Variants in IRAK1BP1 observed in about 807,000 individuals in gnomAD.
The protein encoded by IRAK1BP1 is interleukin 1 receptor associated kinase 1 binding protein 1, also known as interleukin-1 receptor-associated kinase 1-binding protein 1.
A neutral mutation model predicts 28.0 loss-of-function variants in IRAK1BP1; 24 were observed. The observed-to-expected ratio is 0.86, with a 90% CI of 0.62 to 1.20. IRAK1BP1 has a LOEUF of 1.20. Ranked by LOEUF, IRAK1BP1 falls within the 50% of genes most tolerant of loss-of-function variation. The pLI is 0.00. For missense variants in IRAK1BP1, 336 were observed against 316.7 expected (o/e 1.06, Z -0.46); for synonymous variants, 131 against 116.3 (o/e 1.13, Z -0.81).
chr6:78,950,202 C>T (rs1327317042), downstream of IRAK1BP1, among the ~76,000 whole-genome samples: 1 of 152,200 alleles, frequency 6.6e-6, no homozygotes. Flanking sequence ...TTTTTGAATA[C>T]TGAACCATCC....
chr6:78,933,763 AG>A lies in IRAK1BP1; in HGVS notation c.*68-11642del, dbSNP rs567291089. ...CTTCTCTGGATTAGGTTTTGGCTTC[AG>A]GGAATATTGTGGCTGATTTGATCTT... is the stretch of plus-strand genomic sequence containing the variant. On this transcript the variant is annotated intron_variant and NMD_transcript_variant, in intron 4 of 4. Coordinates refer to the IRAK1BP1 transcript ENST00000606868. 2.3e-3 allele frequency among the ~76,000 whole-genome samples: 339 copies of A among 148,686 alleles called. 2 individuals carry two copies. The highest frequency in any genetic ancestry group is 0.021 in the Middle Eastern group (6 of 286).
chr6:78,872,382 G>A (rs1331676298), intron 1 of IRAK1BP1, among the ~76,000 whole-genome samples: 1 of 152,102 alleles, frequency 6.6e-6, no homozygotes, highest in Non-Finnish European at 1.5e-5. Context: ...TTGAACATAG[G>A]CATTGGCTAA....
chr6:78,871,258 T>C (rs571688371), intron 1 of IRAK1BP1: 1 of 985,180 alleles, frequency 1.0e-6, no homozygotes, highest in East Asian at 1.1e-4. Context: ...CAATGTCTGG[T>C]CCTCCCTCAC....
chr6:78,945,491 T>G (rs749959318), exon 5 of IRAK1BP1: 1 of 1,593,294 alleles, frequency 6.3e-7, no homozygotes, highest in Admixed American at 1.7e-5. Context: ...CACAGAATTC[T>G]CTAGTACTAA....
chr6:78,877,556 A>C (rs1771045996), intron 1 of IRAK1BP1, among the ~76,000 whole-genome samples: 1 of 152,194 alleles, frequency 6.6e-6, no homozygotes. Context: ...TACAGCTCCC[A>C]GCGTGAGCGA....
chr6:78,917,381 T>G (rs1228214737), intron 4 of IRAK1BP1, among the ~76,000 whole-genome samples: 1 of 152,048 alleles, frequency 6.6e-6, no homozygotes, highest in East Asian at 1.9e-4. Flanking sequence ...AAAAAATAAT[T>G]TTTTTAAAGA....
the IRAK1BP1 span, chr6:78,969,858 G>T: frequency 6.3e-7 from 1 of 1,579,540 alleles, no homozygotes; most frequent in Non-Finnish European, 8.7e-7. Flanking sequence ...CCTGTATTTT[G>T]CATCATCAAA....
chr6:78,921,131 C>T (rs1023037986), intron 4 of IRAK1BP1, among the ~76,000 whole-genome samples: 2 of 152,144 alleles, frequency 1.3e-5, no homozygotes, highest in African/African-American at 4.8e-5. Flanking sequence ...CGAGGCATTG[C>T]CTCACCCAGG....
At chr6:78,962,627 T>C in the IRAK1BP1 span, among the ~76,000 whole-genome samples, 1 of 152,072 alleles carries the variant, frequency 6.6e-6, no homozygotes. Context: ...ATAATCAAGT[T>C]TTGTGGTCAC....
chr6:78,912,157 T>C (rs1272947501), intron 4 of IRAK1BP1, among the ~76,000 whole-genome samples: 2 of 152,126 alleles, frequency 1.3e-5, no homozygotes, highest in Non-Finnish European at 2.9e-5. Flanking sequence ...TGGGACAACT[T>C]CCCAGAAGAG....
intron 4 of IRAK1BP1, chr6:78,938,432 A>T (rs1340846963): frequency 6.6e-6 from 1 of 151,690 alleles, no homozygotes; most frequent in African/African-American, 2.4e-5. Flanking sequence ...ACAACTTAAA[A>T]CTGTACATTT....
chr6:78,867,994 G>C, intron 1 of IRAK1BP1, 103 bp downstream of exon 1: 1 of 1,274,446 alleles, frequency 7.8e-7, no homozygotes, highest in Non-Finnish European at 1.1e-6. Flanking sequence ...GATGTGGAGG[G>C]TCTGGAGCGT....
In IRAK1BP1 at chr6:78,885,507, A is replaced by AACTGAAATGAATGGTG. The variant is rs1397954252; in HGVS notation, c.381+66_381+81dup. 1.6e-5 allele frequency: 12 copies of AACTGAAATGAATGGTG among 742,034 alleles called. No individual in the cohort carries two copies. The East Asian group carries it at 3.4e-4, about 21-fold the overall frequency. The allele number at this position is 742,034 out of a possible 1,614,324, so 46.0% of individuals were successfully genotyped here. On this transcript the variant is annotated intron_variant, in intron 2 of 3. Coordinates refer to ENST00000369940, the MANE Select transcript of IRAK1BP1 (RefSeq NM_001010844.4). Reference sequence around the variant, plus strand: ...GTGGAGACAGTCATTTTTATTCTTGAACTGAAATGAATGGTGAAAAATGCT... The same window carrying AACTGAAATGAATGGTG: ...GTGGAGACAGTCATTTTTATTCTTGAACTGAAATGAATGGTGACTGAAATGAATGGTGAAAAATGCT...
intron 4 of IRAK1BP1, among the ~76,000 whole-genome samples, chr6:78,924,859 A>T (rs1274068599): frequency 6.6e-6 from 1 of 152,218 alleles, no homozygotes; most frequent in African/African-American, 2.4e-5. Context: ...CTATAAAGAG[A>T]CATGCACACA....
the IRAK1BP1 span, chr6:78,955,657 GA>G: frequency 9.2e-7 from 1 of 1,085,660 alleles, no homozygotes; most frequent in Non-Finnish European, 1.4e-6. Context: ...TTATAAAGTG[GA>G]ATTATGTTAT....
At chr6:78,881,711 CA>C (rs1027100258) in intron 1 of IRAK1BP1, among the ~76,000 whole-genome samples, 1 of 152,044 alleles carries the variant, frequency 6.6e-6, no homozygotes, top group Non-Finnish European at 1.5e-5. Context: ...AATAAAGATA[CA>C]AAAACTCCAT....
the IRAK1BP1 span, among the ~76,000 whole-genome samples, chr6:78,978,200 C>G: frequency 6.6e-6 from 1 of 152,102 alleles, no homozygotes; most frequent in Admixed American, 6.5e-5. Context: ...AAACAAAACA[C>G]TAACACTTTT....
chr6:78,903,601 G>A (rs1772178963), downstream of IRAK1BP1, among the ~76,000 whole-genome samples: 1 of 151,868 alleles, frequency 6.6e-6, no homozygotes, highest in African/African-American at 2.4e-5. Flanking sequence ...AAAAGCCCAG[G>A]TGGCAGGTGA....
chr6:78,923,766 A>C (rs1264706387), intron 4 of IRAK1BP1, among the ~76,000 whole-genome samples: 5 of 152,102 alleles, frequency 3.3e-5, no homozygotes, highest in South Asian at 2.1e-4. Flanking sequence ...TAAGAAACTC[A>C]CTCAAAACCA....
Sources: gnomAD v4.1 joint callset for allele counts (sites outside exome capture counted in the v4.1 genomes callset) on GRCh38, gnomAD v4.1.1 for gene constraint, MANE v1.5 for transcripts, NCBI Gene and HGNC (gene_info 2026-07-23, HGNC 2026-07-21) for gene names.